Variants in ADCY5 observed in about 807,000 individuals in gnomAD.
ADCY5 encodes the protein adenylate cyclase type 5.
Under a neutral mutation model 119.7 loss-of-function variants are expected in ADCY5, and 30 were observed. The observed-to-expected ratio is 0.25, with a 90% CI of 0.19 to 0.34. ADCY5 has a LOEUF of 0.34. ADCY5 is among the 10% of genes least tolerant of loss of function. The pLI is 1.00. For missense variants in ADCY5, 1,324 were observed against 1,775.2 expected (o/e 0.75, Z 4.57); for synonymous variants, 753 against 762.2 (o/e 0.99, Z 0.20).
At chr3:123,300,655 C>A (rs961269500) in intron 14 of ADCY5, among the ~76,000 whole-genome samples, 5 of 152,308 alleles carry the variant, frequency 3.3e-5, no homozygotes, top group Middle Eastern at 3.4e-3. Flanking sequence ...TCTCATGGCT[C>A]GCTGTGATGA....
chr3:123,325,506 C>A (rs202246402), intron 7 of ADCY5, 44 bp from the exon 8 acceptor site: 1 of 1,611,356 alleles, frequency 6.2e-7, no homozygotes, highest in South Asian at 1.1e-5. Context: ...GGAGTCCAAG[C>A]GGAGGGCTCC....
intron 1 of ADCY5, among the ~76,000 whole-genome samples, chr3:123,364,777 G>GA (rs373166381): frequency 4.0e-4 from 60 of 150,660 alleles, no homozygotes; most frequent in Non-Finnish European, 2.4e-4. Flanking sequence ...CATAGAAAAG[G>GA]AAAAAAAAAT....
intron 2 of ADCY5, among the ~76,000 whole-genome samples, chr3:123,350,357 T>G (rs1175858592): frequency 3.3e-5 from 5 of 152,204 alleles, no homozygotes; most frequent in African/African-American, 1.2e-4. Context: ...GTGTTCTCTG[T>G]GGGTCGGTCT....
chr3:123,392,256 T>A (rs186756935), intron 1 of ADCY5, among the ~76,000 whole-genome samples: 2 of 152,358 alleles, frequency 1.3e-5, no homozygotes, highest in East Asian at 3.9e-4. Flanking sequence ...TCCTTTATAC[T>A]TTTTTAACTT....
chr3:123,367,497 C>G (rs1255332605), intron 1 of ADCY5, among the ~76,000 whole-genome samples: 1 of 152,178 alleles, frequency 6.6e-6, no homozygotes, highest in Non-Finnish European at 1.5e-5. Context: ...CCAAAAATCT[C>G]ATCTTGGAGA....
intron 1 of ADCY5, among the ~76,000 whole-genome samples, chr3:123,409,159 C>T (rs1307966202): frequency 6.6e-6 from 1 of 152,146 alleles, no homozygotes; most frequent in Non-Finnish European, 1.5e-5. Flanking sequence ...CTATAACCAG[C>T]CTGGAAAGTC....
intron 1 of ADCY5, among the ~76,000 whole-genome samples, chr3:123,414,499 T>A (rs1308993033): frequency 6.6e-6 from 1 of 152,070 alleles, no homozygotes; most frequent in Non-Finnish European, 1.5e-5. Flanking sequence ...GAGCTCCCAC[T>A]CAGGGGAGAG....
At chr3:123,329,660 C>G (rs1209765277) in intron 5 of ADCY5, among the ~76,000 whole-genome samples, 1 of 152,150 alleles carries the variant, frequency 6.6e-6, no homozygotes, top group African/African-American at 2.4e-5. Context: ...GGGGCATGGG[C>G]GCACTCAGCT....
At position 123,352,098 on chromosome 3, in the gene ADCY5, G is replaced by A. The variant is rs987402532; in HGVS notation, c.1284+334C>T. Among the ~76,000 whole-genome samples, 2 of 152,168 alleles carry A rather than the reference G, an allele frequency of 1.3e-5. No homozygotes were observed. Among genetic ancestry groups the A allele is most frequent in the African/African-American group, 4.8e-5 (2 of 41,448 alleles). ...TCCAACTCAAGGCGGGGTGCAGTGC[G>A]GGGAGGGAGTGGTGAGCAGTGTGGG... On this transcript the variant is annotated intron_variant, in intron 2 of 20. Transcript: ENST00000462833. This position sits in a 1 kb window ranked among gnomAD's most constrained non-coding sequence, Gnocchi z 4.8.
At chr3:123,361,531 A>G (rs1943248387) in intron 1 of ADCY5, among the ~76,000 whole-genome samples, 1 of 127,326 alleles carries the variant, frequency 7.9e-6, no homozygotes, top group Non-Finnish European at 1.6e-5. Flanking sequence ...TACTTTCCAC[A>G]CCTGTGGATT....
chr3:123,409,654 G>C (rs1028543443), intron 1 of ADCY5, among the ~76,000 whole-genome samples: 1 of 152,110 alleles, frequency 6.6e-6, no homozygotes, highest in African/African-American at 2.4e-5. Flanking sequence ...CAAATTATTG[G>C]GCTCCACCTC....
At position 123,314,309 on chromosome 3, in the gene ADCY5, G is replaced by A. The variant is rs374750357; in HGVS notation, c.2368C>T (p.Leu790Phe). ...AGGGAACAGGTCAGGTAGAAGCTGA[G>A]CATGAATATGGAGCTGGAAGGAGAG... ...ITIVPHSIFMLSFYLTCSLLL... is the reference protein window; with the variant it reads ...ITIVPHSIFMFSFYLTCSLLL... The change falls in exon 12 of 21, where the codon CTC becomes TTC. Residue 790 changes from leucine to phenylalanine, a missense_variant. Around this residue, in one of 6 missense-constraint regions of ADCY5, gnomAD observed 424 missense variants for 546.8 expected, o/e 0.78. Transcript: ENST00000462833. The A allele has an allele frequency of 1.2e-6, 2 of 1,612,772 alleles. No homozygotes were observed. Among genetic ancestry groups the A allele is most frequent in the African/African-American group, 1.3e-5 (1 of 74,896 alleles).
chr3:123,382,731 T>C (rs1332087365), intron 1 of ADCY5, among the ~76,000 whole-genome samples: 1 of 151,990 alleles, frequency 6.6e-6, no homozygotes, highest in East Asian at 1.9e-4. Context: ...AGAAAGTAGA[T>C]TAGAGATGAC....
rs1376982363 is a variant in ADCY5 at position 123,289,958 on chromosome 3, G to T, written c.3328-4C>A. On this transcript the variant is annotated splice_region_variant and splice_polypyrimidine_tract_variant and intron_variant, in intron 18 of 20. Coordinates refer to ENST00000462833, the MANE Select transcript of ADCY5 (RefSeq NM_183357.3). Reference sequence around the variant, plus strand: ...GGAACCGATCCTCGCTGATGATCTGGATGAAGGAGGCCAAACCTGGGTCAC... The same window carrying T: ...GGAACCGATCCTCGCTGATGATCTGTATGAAGGAGGCCAAACCTGGGTCAC... 6.2e-7 allele frequency: 1 copy of T among 1,613,794 alleles called. No homozygotes were observed. Among genetic ancestry groups the T allele is most frequent in the African/African-American group, 1.3e-5 (1 of 74,904 alleles).
chr3:123,337,089 A>C (rs1385669006), intron 3 of ADCY5, among the ~76,000 whole-genome samples: 1 of 152,132 alleles, frequency 6.6e-6, no homozygotes, highest in Non-Finnish European at 1.5e-5. Flanking sequence ...CACCTCATTT[A>C]AATTTACAAC....
chr3:123,447,318 A>G, intron 1 of ADCY5, 94 bp downstream of exon 1: 1 of 1,319,636 alleles, frequency 7.6e-7, no homozygotes, highest in Non-Finnish European at 1.0e-6. Context: ...TCTTTTCACC[A>G]TTCGAAAGGG....
Position 123,447,624 on chromosome 3 carries a change from C to G in ADCY5, c.922G>C (p.Val308Leu). ...CCCACCACCTGGACGGCCAGCACCA[C>G]GGCGATGAGCGCATAGCAGGCCAGG... ...MGLACYALIA[V>L]VLAVQVVGLL... is the part of the protein sequence containing the mutation. Residue 308 changes from valine to leucine, a missense_variant, in exon 1 of 21, where the codon GTG becomes CTG. Physicochemically the swap from Val to Leu is conservative, Grantham distance 32. This residue lies in a region of ADCY5 where 585 missense variants were observed against 569.9 expected (regional missense o/e 1.03). Transcript: ENST00000462833. 6.2e-7 allele frequency: 1 copy of G among 1,607,788 alleles called. No homozygotes were observed. The highest frequency in any genetic ancestry group is 8.5e-7 in the Non-Finnish European group (1 of 1,178,348).
At position 123,319,817 on chromosome 3, in the gene ADCY5, T is replaced by G. The variant is rs1234593508; in HGVS notation, c.2113A>C (p.Asn705His). The change falls in exon 10 of 21, where the codon AAC becomes CAC. Residue 705 changes from asparagine (N) to histidine (H), a missense_variant and splice_region_variant. Transcript: ENST00000462833. ...RMGFEDPKDKNAQESANPEDE... is the reference protein window; with the variant it reads ...RMGFEDPKDKHAQESANPEDE... ...TCAGGGTTCGCACTCTCCTGGGCGT[T>G]CCTGGGGAGCAGAAGGCACGGGCGT... 1 of 1,613,124 alleles carries G rather than the reference T, an allele frequency of 6.2e-7. No homozygotes were observed. Among genetic ancestry groups the G allele is most frequent in the Non-Finnish European group, 8.5e-7 (1 of 1,179,212 alleles).
rs1324655717 is a variant in ADCY5 at position 123,319,717 on chromosome 3, C to T, written c.2213G>A (p.Arg738His). Residue 738 changes from arginine to histidine, a missense_variant, in exon 10 of 21, where the codon CGC becomes CAC. Arg to His is a conservative substitution (Grantham distance 29). Coordinates refer to ENST00000462833, the MANE Select transcript of ADCY5 (RefSeq NM_183357.3). ...CTCCCTGAAGGTCAGGAGGAACTTG[C>T]GGACGTGCTCAGACCGAAGCCTATC... ...SIDRLRSEHV[R>H]KFLLTFREPD... 6.2e-7 allele frequency: 1 copy of T among 1,614,084 alleles called. No homozygotes were observed. The highest frequency in any genetic ancestry group is 8.5e-7 in the Non-Finnish European group (1 of 1,180,024).
Sources: gnomAD v4.1 joint callset for allele counts (sites outside exome capture counted in the v4.1 genomes callset) on GRCh38, gnomAD v4.1.1 for gene constraint, gnomAD v4.1.1 regional missense constraint, Gnocchi (gnomAD v3.1) non-coding constraint, MANE v1.5 for transcripts, NCBI Gene and HGNC (gene_info 2026-07-23, HGNC 2026-07-21) for gene names.